IL1RAPL2: variants seen among roughly 807,000 people sequenced by gnomAD.
IL1RAPL2 encodes the protein interleukin 1 receptor accessory protein like 2, also known as X-linked interleukin-1 receptor accessory protein-like 2.
A neutral mutation model predicts 44.1 loss-of-function variants in IL1RAPL2; 3 were observed. The ratio of observed to expected loss-of-function variants is 0.07; its 90% CI spans 0.03 to 0.18. The LOEUF is 0.18. IL1RAPL2 is among the 10% of genes least tolerant of loss of function. The pLI, the probability that IL1RAPL2 is intolerant of heterozygous loss-of-function variation, is 1.00. For missense variants in IL1RAPL2, 391 were observed against 496.4 expected, an observed-to-expected ratio of 0.79 and a Z score of 2.02; for synonymous variants, 181 against 178.8, an observed-to-expected ratio of 1.01 and a Z score of -0.10.
At chrX:105,120,666 T>A (rs1284316401) in intron 2 of IL1RAPL2, among the ~76,000 whole-genome samples, 1 of 111,693 alleles carries the variant, frequency 9.0e-6, no homozygotes, top group South Asian at 3.7e-4. Context: ...TCACTTCCTG[T>A]TTTATCTGTG....
At chrX:104,921,341 G>A (rs1393877658) in intron 2 of IL1RAPL2, among the ~76,000 whole-genome samples, 1 of 106,237 alleles carries the variant, frequency 9.4e-6, no homozygotes, top group Non-Finnish European at 1.9e-5. Context: ...ACATGCCCAA[G>A]ACAGGTCCCA....
At chrX:105,282,461 A>T (rs141525908) in intron 5 of IL1RAPL2, among the ~76,000 whole-genome samples, 15 of 111,737 alleles carry the variant, frequency 1.3e-4, no homozygotes, top group African/African-American at 4.6e-4. Flanking sequence ...GGGATCCTGA[A>T]GAGCAACTGG....
At chrX:104,878,995 C>T (rs748862930) in intron 2 of IL1RAPL2, among the ~76,000 whole-genome samples, 1 of 110,305 alleles carries the variant, frequency 9.1e-6, no homozygotes, top group Non-Finnish European at 1.9e-5. Flanking sequence ...GATTTCCAAC[C>T]GAGCCAACCT....
intron 2 of IL1RAPL2, among the ~76,000 whole-genome samples, chrX:104,902,452 A>G (rs188414084): frequency 7.1e-5 from 8 of 112,316 alleles, no homozygotes; most frequent in South Asian, 3.7e-4. Flanking sequence ...TAAGAAAAAA[A>G]ATTTCTCTAG....
At chrX:105,592,683 T>A (rs1459023010) in intron 6 of IL1RAPL2, among the ~76,000 whole-genome samples, 1 of 111,867 alleles carries the variant, frequency 8.9e-6, no homozygotes, top group Non-Finnish European at 1.9e-5. Flanking sequence ...CTTCTTCACT[T>A]ATGAAGTTTA....
intron 10 of IL1RAPL2, 111 bp from the exon 11 acceptor site, chrX:105,766,853 T>G: frequency 2.0e-6 from 1 of 494,180 alleles, no homozygotes; most frequent in Non-Finnish European, 3.4e-6. Context: ...AAAGAAAATG[T>G]GATGGACTTT....
chrX:105,737,346 A>G (rs1048916939), intron 7 of IL1RAPL2, among the ~76,000 whole-genome samples: 2 of 111,242 alleles, frequency 1.8e-5, no homozygotes, highest in Non-Finnish European at 3.8e-5. Context: ...TGTACCCCTG[A>G]ACCTAAAATT....
intron 1 of IL1RAPL2, among the ~76,000 whole-genome samples, chrX:104,623,176 A>G (rs1929432599): frequency 9.0e-6 from 1 of 111,420 alleles, no homozygotes; most frequent in African/African-American, 3.3e-5. Context: ...AGTAAGAAAG[A>G]TATGCTGTAA....
intron 5 of IL1RAPL2, among the ~76,000 whole-genome samples, chrX:105,338,552 CTGT>C (rs748669972): frequency 1.3e-4 from 14 of 111,781 alleles, no homozygotes; most frequent in Non-Finnish European, 2.3e-4. Flanking sequence ...CTGTTGTACT[CTGT>C]TATTTTTGAA....
At position 104,754,576 on chromosome X, in the gene IL1RAPL2, G is replaced by C. The variant is rs756183023; in HGVS notation, c.82+95581G>C. Among the ~76,000 whole-genome samples the C allele has an allele frequency of 3.6e-5, 4 of 111,365 alleles. No individual in the cohort carries two copies. In the South Asian group the frequency reaches 1.5e-3, roughly 42 times the overall value. On this transcript the variant is annotated intron_variant, in intron 2 of 10. Coordinates refer to ENST00000372582, the MANE Select transcript of IL1RAPL2 (RefSeq NM_017416.2). ...AGGAACGCTCATTAATGAGCTAAGA[G>C]GGCTGGAGAATTCATGAAGGGCAGT...
chrX:105,726,331 C>T lies in IL1RAPL2; in HGVS notation c.902+8835C>T, dbSNP rs186777496. ...TAGAGACTGAGGAAGAGCTGCTGCCCTTTAGTGATTGAGGGTTCCTATAGG... is the reference window on the plus strand; with the variant it reads ...TAGAGACTGAGGAAGAGCTGCTGCCTTTTAGTGATTGAGGGTTCCTATAGG... On this transcript the variant is annotated intron_variant, in intron 7 of 10. Coordinates refer to ENST00000372582, the MANE Select transcript of IL1RAPL2 (RefSeq NM_017416.2). 3.7e-3 allele frequency among the ~76,000 whole-genome samples: 412 copies of T among 111,393 alleles called. 4 individuals are homozygous for T. The highest frequency in any genetic ancestry group is 0.019 in the Middle Eastern group (4 of 215).
chrX:104,729,174 A>G (rs2147569907), intron 2 of IL1RAPL2, among the ~76,000 whole-genome samples: 1 of 112,047 alleles, frequency 8.9e-6, no homozygotes, highest in South Asian at 3.7e-4. Flanking sequence ...GTGATAAGTA[A>G]GACATACAAT....
At chrX:104,779,935 T>G (rs1932761634) in intron 2 of IL1RAPL2, among the ~76,000 whole-genome samples, 1 of 111,556 alleles carries the variant, frequency 9.0e-6, no homozygotes, top group East Asian at 2.8e-4. Context: ...AAGAGTTAGA[T>G]GGTTATTAAG....
intron 2 of IL1RAPL2, among the ~76,000 whole-genome samples, chrX:104,805,275 T>G (rs1430786173): frequency 8.9e-6 from 1 of 111,976 alleles, no homozygotes; most frequent in African/African-American, 3.2e-5. Flanking sequence ...ATTATTTATA[T>G]CCTACTGCTC....
At chrX:104,937,556 A>G (rs768313456) in intron 2 of IL1RAPL2, among the ~76,000 whole-genome samples, 181 of 112,454 alleles carry the variant, frequency 1.6e-3, no homozygotes, top group Non-Finnish European at 3.1e-3. Context: ...CCTGGATCCA[A>G]GGATTGGCTG....
At position 105,487,568 on chromosome X, in the gene IL1RAPL2, T is replaced by C. The variant is rs1314022180; in HGVS notation, c.772+3181T>C. On this transcript the variant is annotated intron_variant, in intron 6 of 10. Transcript: ENST00000372582. Reference sequence around the variant, plus strand: ...GTTACTCTGAGATGTTAAACAACCATATAATTCAGAGAAAGAAAAGCAAAA... The same window carrying C: ...GTTACTCTGAGATGTTAAACAACCACATAATTCAGAGAAAGAAAAGCAAAA... Among the ~76,000 whole-genome samples, 3 of 112,278 alleles carry C rather than the reference T, an allele frequency of 2.7e-5. No individual in the cohort carries two copies. The East Asian group carries it at 8.4e-4, about 31-fold the overall frequency.
chrX:104,888,934 T>C (rs1330756078), intron 2 of IL1RAPL2, among the ~76,000 whole-genome samples: 1 of 111,588 alleles, frequency 9.0e-6, no homozygotes, highest in Non-Finnish European at 1.9e-5. Context: ...TACACGGCAC[T>C]GTAACTATGA....
intron 7 of IL1RAPL2, among the ~76,000 whole-genome samples, chrX:105,736,655 C>T (rs1183077293): frequency 9.0e-6 from 1 of 111,616 alleles, no homozygotes; most frequent in Non-Finnish European, 1.9e-5. Flanking sequence ...AAATGATAAT[C>T]AAAACCACAA....
chrX:105,462,941 C>G (rs750902246), intron 5 of IL1RAPL2, among the ~76,000 whole-genome samples: 1 of 111,259 alleles, frequency 9.0e-6, no homozygotes, highest in Non-Finnish European at 1.9e-5. Flanking sequence ...TTTCTCTTCC[C>G]TCTAATAGGT....
Sources: allele counts gnomAD v4.1 joint callset (sites outside exome capture counted in the v4.1 genomes callset), GRCh38; gene constraint gnomAD v4.1.1; transcripts MANE v1.5; gene names NCBI Gene and HGNC (gene_info 2026-07-23, HGNC 2026-07-21).